PARD3B: variants seen among roughly 807,000 people sequenced by gnomAD.
PARD3B encodes the protein partitioning defective 3 homolog B.
In PARD3B, 103 loss-of-function variants were observed where a neutral mutation model predicts 130.2. That is an observed-to-expected ratio of 0.79 (90% CI 0.67 to 0.93). The LOEUF (loss-of-function observed/expected upper bound fraction) is 0.93, where lower values mean the gene tolerates loss of function less well. Ranked by LOEUF, PARD3B falls within the 40% of genes least tolerant of loss-of-function variation. The probability of loss-of-function intolerance (pLI) is 0.00; values close to 1 mark genes in which losing one functional copy is unlikely to be tolerated. For synonymous variants in PARD3B, 583 were observed against 553.2 expected, an observed-to-expected ratio of 1.05 and a Z score of -0.76; for missense variants, 1,609 against 1,499.2, an observed-to-expected ratio of 1.07 and a Z score of -1.21.
chr2:204,940,885 G>A (rs236824), intron 2 of PARD3B, among the ~76,000 whole-genome samples: 107,542 of 151,930 alleles, frequency 0.71, 39,171 homozygotes, highest in African/African-American at 0.87. Flanking sequence ...AGCCTAAGGA[G>A]CTTGTTATTT....
chr2:205,074,985 AT>A (rs1319072207), intron 4 of PARD3B, among the ~76,000 whole-genome samples: 2 of 152,222 alleles, frequency 1.3e-5, no homozygotes, highest in African/African-American at 4.8e-5. Context: ...CTCACTGAAT[AT>A]TTTTAAGTTT....
intron 15 of PARD3B, among the ~76,000 whole-genome samples, chr2:205,226,008 T>G (rs902494983): frequency 3.3e-5 from 5 of 152,198 alleles, no homozygotes; most frequent in African/African-American, 1.2e-4. Flanking sequence ...TTTGTTTTGT[T>G]TTATGAGACG....
rs1038381134 is a variant in PARD3B, at chr2:205,325,565, A to T, written c.2630+23864A>T. Among the ~76,000 whole-genome samples, 1 of 151,780 alleles carries T rather than the reference A, an allele frequency of 6.6e-6. No homozygotes were observed. The highest frequency in any genetic ancestry group is 1.5e-5 in the Non-Finnish European group (1 of 67,994). ...AGTAGTAGTCTCAGAGTCTTCCTCTATTGCCCAGGCTGGAGTGCAGTGGCG... is the reference window on the plus strand; with the variant it reads ...AGTAGTAGTCTCAGAGTCTTCCTCTTTTGCCCAGGCTGGAGTGCAGTGGCG... On this transcript the variant is annotated intron_variant, in intron 18 of 22. Transcript: ENST00000406610. The surrounding 1 kb of genome is among the most constrained non-coding windows in gnomAD (Gnocchi z 4.1).
intron 2 of PARD3B, among the ~76,000 whole-genome samples, chr2:204,808,640 A>G (rs1164229556): frequency 6.6e-6 from 1 of 152,130 alleles, no homozygotes; most frequent in Admixed American, 6.6e-5. Context: ...AGCTCCATCC[A>G]CATTCCCACA....
intron 18 of PARD3B, among the ~76,000 whole-genome samples, chr2:205,364,273 T>G (rs991436659): frequency 1.3e-5 from 2 of 152,326 alleles, no homozygotes; most frequent in South Asian, 4.1e-4. Context: ...ACTTCCTATA[T>G]GCACTTCCTA....
At chr2:204,718,209 C>A (rs1178334418) in intron 2 of PARD3B, among the ~76,000 whole-genome samples, 1 of 151,882 alleles carries the variant, frequency 6.6e-6, no homozygotes, top group Non-Finnish European at 1.5e-5. Flanking sequence ...TGTCTATATG[C>A]TTTCTCTCTC....
At chr2:205,216,862 G>A (rs1482601199) in intron 15 of PARD3B, among the ~76,000 whole-genome samples, 1 of 152,152 alleles carries the variant, frequency 6.6e-6, no homozygotes, top group Non-Finnish European at 1.5e-5. Context: ...TGTGAAGCCT[G>A]AATAAGGCCA....
At chr2:205,152,738 C>G (rs1459296783) in intron 10 of PARD3B, among the ~76,000 whole-genome samples, 1 of 152,176 alleles carries the variant, frequency 6.6e-6, no homozygotes, top group African/African-American at 2.4e-5. Flanking sequence ...TATTACCGAT[C>G]TCCTGAAGCC....
chr2:205,151,046 G>A (rs2033721410), intron 10 of PARD3B, among the ~76,000 whole-genome samples: 1 of 152,160 alleles, frequency 6.6e-6, no homozygotes, highest in Non-Finnish European at 1.5e-5. Flanking sequence ...TAATGCATAT[G>A]TTAATTAGCT....
rs2054292612 is a variant in PARD3B at position 205,589,029 on chromosome 2, C to T, written c.3261-26427C>T. ...CTGGCTGGGCATGGTGGCTCATGCC[C>T]ATAATCCCAGCACACCAGGAGGCTG... On this transcript the variant is annotated intron_variant, in intron 22 of 22. Transcript: ENST00000406610. The surrounding 1 kb of genome is among the most constrained non-coding windows in gnomAD (Gnocchi z 4.1). 6.6e-6 allele frequency among the ~76,000 whole-genome samples: 1 copy of T among 152,184 alleles called. No individual in the cohort carries two copies. The highest frequency in any genetic ancestry group is 2.4e-5 in the African/African-American group (1 of 41,450).
Position 205,088,694 on chromosome 2 carries a change from T to G in PARD3B, c.505-15732T>G, listed in dbSNP as rs187002648. Among the ~76,000 whole-genome samples the G allele has an allele frequency of 4.0e-3, 610 of 152,332 alleles. 4 individuals carry two copies. Among genetic ancestry groups the G allele is most frequent in the Non-Finnish European group, 4.3e-3 (292 of 68,026 alleles). On this transcript the variant is annotated intron_variant, in intron 4 of 22. Coordinates refer to ENST00000406610, the MANE Select transcript of PARD3B (RefSeq NM_001302769.2). ...TCCCCTTTCTATTCCTTTGTATGTC[T>G]TTCTGCCTCCTGGTCTCAACCTCTT... is the stretch of plus-strand genomic sequence containing the variant.
chr2:205,483,830 G>A (rs1029690167), intron 20 of PARD3B, among the ~76,000 whole-genome samples: 4 of 152,016 alleles, frequency 2.6e-5, no homozygotes, highest in Middle Eastern at 3.2e-3. Context: ...TGGAAGGGGG[G>A]AAGCTTCTAG....
At chr2:205,157,909 C>A (rs2034277739) in intron 10 of PARD3B, among the ~76,000 whole-genome samples, 1 of 152,166 alleles carries the variant, frequency 6.6e-6, no homozygotes, top group Non-Finnish European at 1.5e-5. Flanking sequence ...ATATGATTAA[C>A]CACATACTTC....
intron 2 of PARD3B, among the ~76,000 whole-genome samples, chr2:204,892,058 A>G (rs1314538959): frequency 1.3e-5 from 2 of 152,214 alleles, no homozygotes; most frequent in Non-Finnish European, 1.5e-5. Flanking sequence ...ACAATATAAC[A>G]TTATAACACA....
rs530628604 is a variant in PARD3B at position 204,771,676 on chromosome 2, TA to T, written c.222+85398del. Among the ~76,000 whole-genome samples the T allele has an allele frequency of 1.2e-4, 19 of 152,222 alleles. No individual in the cohort carries two copies. The East Asian group carries it at 3.7e-3, about 29-fold the overall frequency. The stretch of plus-strand genomic sequence containing the variant: ...TACCCCCTGAATCTAAAATAAAAAT[TA>T]AAATTAAAAAGTTGCTGTTTTTTAT... On this transcript the variant is annotated intron_variant, in intron 2 of 22. Coordinates refer to ENST00000406610, the MANE Select transcript of PARD3B (RefSeq NM_001302769.2).
In PARD3B at chr2:205,400,555, C is replaced by T. The variant is rs113728091; in HGVS notation, c.2631-458C>T. Among the ~76,000 whole-genome samples the T allele has an allele frequency of 9.4e-3, 1,426 of 152,030 alleles. 10 individuals carry two copies. The highest frequency in any genetic ancestry group is 0.013 in the Non-Finnish European group (910 of 67,974). The stretch of plus-strand genomic sequence containing the variant: ...ACTCAGGAGGCTGAGGCACGAGAAT[C>T]GCTTGAACCCCGGGTAGCAGAGATT... On this transcript the variant is annotated intron_variant, in intron 18 of 22. Coordinates refer to ENST00000406610, the MANE Select transcript of PARD3B (RefSeq NM_001302769.2).
chr2:205,569,709 A>G (rs188912895), intron 22 of PARD3B, among the ~76,000 whole-genome samples: 249 of 152,314 alleles, frequency 1.6e-3, no homozygotes, highest in Non-Finnish European at 2.2e-3. Flanking sequence ...GCCCTATGTC[A>G]GGATACTAAG....
chr2:204,797,690 A>G (rs146388984), intron 2 of PARD3B, among the ~76,000 whole-genome samples: 321 of 152,320 alleles, frequency 2.1e-3, no homozygotes, highest in Non-Finnish European at 3.5e-3. Flanking sequence ...TTTTATATAA[A>G]CATATTGAAC....
At chr2:204,990,733 A>C (rs1196989051) in intron 3 of PARD3B, among the ~76,000 whole-genome samples, 13 of 152,140 alleles carry the variant, frequency 8.5e-5, no homozygotes, top group Non-Finnish European at 1.9e-4. Context: ...TGTTGATTTT[A>C]ATAGAGTCAA....
Sources: gnomAD v4.1 joint callset for allele counts (sites outside exome capture counted in the v4.1 genomes callset) on GRCh38, gnomAD v4.1.1 for gene constraint, Gnocchi (gnomAD v3.1) non-coding constraint, MANE v1.5 for transcripts, NCBI Gene and HGNC (gene_info 2026-07-23, HGNC 2026-07-21) for gene names.